Variants in DPH6 observed in about 807,000 individuals in gnomAD.
DPH6 encodes diphthine--ammonia ligase.
Under a neutral mutation model 38.2 loss-of-function variants are expected in DPH6, and 33 were observed. The observed-to-expected ratio is 0.86, with a 90% CI of 0.65 to 1.15. The LOEUF (loss-of-function observed/expected upper bound fraction) is 1.15, where lower values mean the gene tolerates loss of function less well. Among genes scored for constraint, DPH6 ranks in the 50% most tolerant of loss-of-function variants. The pLI is 0.00. For synonymous variants in DPH6, 108 were observed against 103.0 expected (o/e 1.05, Z -0.30); for missense variants, 325 against 320.0 (o/e 1.02, Z -0.12).
chr15:35,441,794 G>C (rs2053791906), intron 5 of DPH6, among the ~76,000 whole-genome samples: 1 of 64,700 alleles, frequency 1.5e-5, no homozygotes, highest in Non-Finnish European at 2.9e-5. Context: ...GTGTATCCCA[G>C]AACTTAAAGT....
chr15:35,162,120 C>T, the DPH6 span, among the ~76,000 whole-genome samples: 94 of 152,018 alleles, frequency 6.2e-4, no homozygotes, highest in Admixed American at 1.9e-3. Flanking sequence ...ACTAATGTAG[C>T]CCAAGACATG....
intron 5 of DPH6, among the ~76,000 whole-genome samples, chr15:35,421,391 A>C (rs1270089465): frequency 6.6e-6 from 1 of 152,212 alleles, no homozygotes; most frequent in South Asian, 2.1e-4. Flanking sequence ...TTTAAGATCA[A>C]TGGCATACAT....
chr15:35,488,213 GTCT>G (rs780120276), intron 3 of DPH6, among the ~76,000 whole-genome samples: 2 of 152,034 alleles, frequency 1.3e-5, no homozygotes, highest in African/African-American at 2.4e-5. Context: ...ACATCTTCCT[GTCT>G]TCTTCTGAGC....
chr15:35,520,220 C>CAAAAAAAAAAAAAAAAAAAAAAAAAAGA (rs1353792195), intron 3 of DPH6: 1 of 435,366 alleles, frequency 2.3e-6, no homozygotes, highest in African/African-American at 7.0e-5. Flanking sequence ...AAACATGCTA[C>CAAAAAAAAAAAAAAAAAAAAAAAAAAGA]AAAAAAAAAC....
At chr15:35,426,866 TAA>T (rs974135004) in intron 5 of DPH6, among the ~76,000 whole-genome samples, 1 of 138,692 alleles carries the variant, frequency 7.2e-6, no homozygotes. Context: ...GTGGATGGTT[TAA>T]AAAAAAAAAA....
the DPH6 span, among the ~76,000 whole-genome samples, chr15:35,176,290 A>G: frequency 6.6e-6 from 1 of 152,170 alleles, no homozygotes; most frequent in Non-Finnish European, 1.5e-5. Flanking sequence ...AACTATCTCC[A>G]ATTTAAGGCT....
chr15:35,392,231 G>C (rs1002922083), intron 6 of DPH6, among the ~76,000 whole-genome samples: 1 of 152,054 alleles, frequency 6.6e-6, no homozygotes, highest in Admixed American at 6.6e-5. Context: ...TATTTATATA[G>C]ATAAATATTC....
intron 6 of DPH6, among the ~76,000 whole-genome samples, chr15:35,407,319 A>G (rs186066034): frequency 1.1e-4 from 17 of 152,106 alleles, no homozygotes; most frequent in Non-Finnish European, 2.2e-4. Context: ...AGCAAATTGT[A>G]AACTCTTCAA....
At chr15:35,348,396 TGAA>T (rs1316764011) in intron 3 of DPH6, among the ~76,000 whole-genome samples, 3 of 152,198 alleles carry the variant, frequency 2.0e-5, no homozygotes, top group Admixed American at 2.0e-4. Context: ...CATCTTTTGT[TGAA>T]GAGACTATTT....
intron 3 of DPH6, among the ~76,000 whole-genome samples, chr15:35,318,520 G>A (rs2052212487): frequency 6.6e-6 from 1 of 152,114 alleles, no homozygotes; most frequent in African/African-American, 2.4e-5. Flanking sequence ...TTCTTTACAA[G>A]TGCATATAAA....
intron 3 of DPH6, among the ~76,000 whole-genome samples, chr15:35,228,830 T>C (rs1189690627): frequency 6.6e-6 from 1 of 152,214 alleles, no homozygotes; most frequent in Non-Finnish European, 1.5e-5. Context: ...GTTGGATATA[T>C]TATTCCAGGG....
At position 35,383,289 on chromosome 15, in the gene DPH6, T is replaced by C. The variant is rs577671193; in HGVS notation, c.568-1373A>G. Among the ~76,000 whole-genome samples, 4 of 152,308 alleles carry C rather than the reference T, an allele frequency of 2.6e-5. No individual in the cohort carries two copies. In the South Asian group the frequency reaches 8.3e-4, roughly 32 times the overall value. On this transcript the variant is annotated intron_variant, in intron 6 of 8. Transcript: ENST00000256538. Reference sequence around the variant, plus strand: ...TAAGCTGCTATGTTAAACCAAAATATTACCATTATAAAAGACTCATATATT... The same window carrying C: ...TAAGCTGCTATGTTAAACCAAAATACTACCATTATAAAAGACTCATATATT...
rs941440565 is a variant in DPH6, at chr15:35,245,299, T to C, written n.201-24717A>G. 1.3e-4 allele frequency among the ~76,000 whole-genome samples: 18 copies of C among 138,564 alleles called. No individual in the cohort carries two copies. The East Asian group carries it at 2.0e-3, about 15-fold the overall frequency. 90.9% of individuals were successfully genotyped at this position (138,564 alleles called of 152,430 possible). A position where few individuals can be genotyped will look rare whatever the true frequency, so the allele number is the denominator to read the frequency against. On this transcript the variant is annotated intron_variant and non_coding_transcript_variant, in intron 3 of 3. Coordinates refer to the DPH6 transcript ENST00000560386. ...TCTCGCCCAGGCTGGAGTGCAGTGG[T>C]GCCATCTCGGCTCACTGCAAGCTCC... is the stretch of plus-strand genomic sequence containing the variant.
rs118048436 is a variant in DPH6, at chr15:35,485,825, G to A, written c.313-31005C>T. Among the ~76,000 whole-genome samples the A allele has an allele frequency of 3.1e-3, 472 of 152,302 alleles. 3 individuals carry two copies. The East Asian group carries it at 0.034, about 11-fold the overall frequency. ...TGGATTATGGTGATATGATGAGTAT[G>A]CGGTAAACTCAAAGCTCACACCCAA... is the stretch of plus-strand genomic sequence containing the variant. On this transcript the variant is annotated intron_variant, in intron 3 of 8. Transcript: ENST00000256538.
At position 35,529,022 on chromosome 15, in the gene DPH6, A is replaced by G. The variant is rs183688445; in HGVS notation, c.312+9252T>C. Among the ~76,000 whole-genome samples, 326 of 152,222 alleles carry G rather than the reference A, an allele frequency of 2.1e-3. 2 individuals are homozygous for G. Among genetic ancestry groups the G allele is most frequent in the African/African-American group, 7.6e-3 (316 of 41,548 alleles). On this transcript the variant is annotated intron_variant, in intron 3 of 8. Transcript: ENST00000256538. ...TTGAACCACTCTATTTCCCTAATAC[A>G]TTTCATAATTTCCTGCTTACAAGAC...
intron 3 of DPH6, among the ~76,000 whole-genome samples, chr15:35,362,436 C>T (rs1463015275): frequency 6.6e-6 from 1 of 152,170 alleles, no homozygotes; most frequent in African/African-American, 2.4e-5. Context: ...ATGTTCTGCC[C>T]TTCTCTTACC....
the DPH6 span, among the ~76,000 whole-genome samples, chr15:35,191,129 T>C: frequency 1.3e-5 from 2 of 152,236 alleles, no homozygotes; most frequent in African/African-American, 4.8e-5. Flanking sequence ...CATCAATCAT[T>C]GTTTAATGAA....
intron 2 of DPH6, among the ~76,000 whole-genome samples, chr15:35,539,556 A>G (rs1369413930): frequency 6.6e-6 from 1 of 152,048 alleles, no homozygotes; most frequent in African/African-American, 2.4e-5. Flanking sequence ...AAATTTATCT[A>G]CCCACAGAAC....
At chr15:35,447,818 G>A (rs1296380189) in intron 5 of DPH6, among the ~76,000 whole-genome samples, 2 of 151,942 alleles carry the variant, frequency 1.3e-5, no homozygotes, top group South Asian at 2.1e-4. Flanking sequence ...AAAAATCTAC[G>A]AAATGGGAAA....
Sources: gnomAD v4.1 joint callset for allele counts (sites outside exome capture counted in the v4.1 genomes callset) on GRCh38, gnomAD v4.1.1 for gene constraint, MANE v1.5 for transcripts, NCBI Gene and HGNC (gene_info 2026-07-23, HGNC 2026-07-21) for gene names.